FAM193A: variants seen among roughly 807,000 people sequenced by gnomAD.
FAM193A encodes family with sequence similarity 193 member A, also known as protein FAM193A.
In FAM193A, 22 loss-of-function variants were observed where a neutral mutation model predicts 126.5. The ratio of observed to expected loss-of-function variants is 0.17; its 90% CI spans 0.12 to 0.25. FAM193A has a LOEUF of 0.25. Among genes scored for constraint, FAM193A ranks in the 10% least tolerant of loss-of-function variants. FAM193A has a pLI of 1.00. For missense variants in FAM193A, 1,675 were observed against 1,672.8 expected (o/e 1.00, Z -0.02); for synonymous variants, 761 against 646.8 (o/e 1.18, Z -2.68).
At position 2,672,108 on chromosome 4, in the gene FAM193A, T is replaced by C; in HGVS notation, c.2080-13T>C. The C allele has an allele frequency of 6.2e-7, 1 of 1,612,752 alleles. No homozygotes were observed. Among genetic ancestry groups the C allele is most frequent in the Middle Eastern group, 1.7e-4 (1 of 6,056 alleles). On this transcript the variant is annotated splice_polypyrimidine_tract_variant and intron_variant, in intron 12 of 20. Coordinates refer to ENST00000637812, the MANE Select transcript of FAM193A (RefSeq NM_001366318.2). ...TTTCACTAAATAGGTATGTTTTTTTTCTTTCCTCTTAGGCTGAACAAGCTC... is the reference window on the plus strand; with the variant it reads ...TTTCACTAAATAGGTATGTTTTTTTCCTTTCCTCTTAGGCTGAACAAGCTC...
chr4:2,728,880 TG>T (rs1721050895), intron 20 of FAM193A, among the ~76,000 whole-genome samples: 1 of 150,066 alleles, frequency 6.7e-6, no homozygotes, highest in Non-Finnish European at 1.5e-5. Context: ...TAAGCAAATA[TG>T]TTCCACCTCC....
At chr4:2,570,138 A>G (rs1181222221) in intron 1 of FAM193A, among the ~76,000 whole-genome samples, 2 of 151,990 alleles carry the variant, frequency 1.3e-5, no homozygotes, top group Non-Finnish European at 2.9e-5. Context: ...TAAATAGCCC[A>G]AAAGTACTTC....
chr4:2,571,892 G>T (rs1000374772), intron 1 of FAM193A, among the ~76,000 whole-genome samples: 2 of 150,918 alleles, frequency 1.3e-5, no homozygotes, highest in African/African-American at 4.9e-5. Context: ...AAGGCCAGGC[G>T]CTGTGGCTCA....
chr4:2,699,537 T>G (rs1417843638), intron 18 of FAM193A, 143 bp from the exon 19 acceptor site: 3 of 635,870 alleles, frequency 4.7e-6, no homozygotes, highest in South Asian at 2.1e-5. Flanking sequence ...GAGGTGGGTG[T>G]GTGTTAAGTT....
intron 2 of FAM193A, among the ~76,000 whole-genome samples, chr4:2,620,728 A>G (rs1467390571): frequency 6.6e-6 from 1 of 150,604 alleles, no homozygotes; most frequent in Admixed American, 6.6e-5. Context: ...GGGCTCCCGT[A>G]ATCCCAGCTA....
intron 1 of FAM193A, among the ~76,000 whole-genome samples, chr4:2,560,849 T>G (rs554522746): frequency 1.3e-4 from 20 of 152,326 alleles, no homozygotes; most frequent in African/African-American, 4.6e-4. Context: ...GAGCTCACCA[T>G]GTTTCTCAGG....
intron 15 of FAM193A, 27 bp from the exon 16 acceptor site, chr4:2,693,559 C>A (rs1179869373): frequency 1.9e-6 from 3 of 1,586,420 alleles, no homozygotes; most frequent in Non-Finnish European, 2.6e-6. Flanking sequence ...ACAAACTTGG[C>A]AGTGACTCTC....
intron 1 of FAM193A, among the ~76,000 whole-genome samples, chr4:2,542,017 ATT>A (rs1258017085): frequency 2.9e-5 from 4 of 139,166 alleles, no homozygotes; most frequent in Admixed American, 7.2e-5. Flanking sequence ...CACCTGGCAA[ATT>A]TTTTTTTTTT....
chr4:2,590,462 T>C (rs1560464343), intron 1 of FAM193A, among the ~76,000 whole-genome samples: 1 of 27,468 alleles, frequency 3.6e-5, no homozygotes, highest in Non-Finnish European at 5.7e-5. Context: ...AGACTCCATC[T>C]CAAAAAAAAA....
intron 1 of FAM193A, among the ~76,000 whole-genome samples, chr4:2,591,801 C>T (rs1740584958): frequency 6.6e-6 from 1 of 152,126 alleles, no homozygotes; most frequent in Non-Finnish European, 1.5e-5. Flanking sequence ...ACACACACCT[C>T]CCACCCCCAT....
At chr4:2,584,337 A>T (rs1434221702) in intron 1 of FAM193A, among the ~76,000 whole-genome samples, 4 of 151,650 alleles carry the variant, frequency 2.6e-5, no homozygotes, top group African/African-American at 9.7e-5. Flanking sequence ...TAAGCAGGAG[A>T]ATCGCTTGAA....
intron 5 of FAM193A, among the ~76,000 whole-genome samples, chr4:2,636,092 A>C: frequency 6.6e-6 from 1 of 151,472 alleles, no homozygotes; most frequent in African/African-American, 2.4e-5. Flanking sequence ...TCTGTCTCAA[A>C]AAAAAATCTC....
intron 19 of FAM193A, among the ~76,000 whole-genome samples, chr4:2,702,367 C>T (rs1717829037): frequency 3.3e-5 from 5 of 152,188 alleles, no homozygotes; most frequent in Non-Finnish European, 7.3e-5. Context: ...TGGTTCGATG[C>T]TCCGGGCTCA....
At chr4:2,724,419 TTTC>T (rs1720503976) in intron 20 of FAM193A, among the ~76,000 whole-genome samples, 1 of 152,244 alleles carries the variant, frequency 6.6e-6, no homozygotes, top group African/African-American at 2.4e-5. Context: ...CATCTTACTT[TTTC>T]TTATGTATTT....
chr4:2,578,508 G>T (rs767314775), intron 1 of FAM193A, among the ~76,000 whole-genome samples: 3 of 151,768 alleles, frequency 2.0e-5, no homozygotes, highest in Non-Finnish European at 4.4e-5. Flanking sequence ...GGCTTGGAGG[G>T]GTTAATTCTT....
At chr4:2,670,583 C>G (rs183047075) in intron 12 of FAM193A, among the ~76,000 whole-genome samples, 1 of 152,134 alleles carries the variant, frequency 6.6e-6, no homozygotes, top group Non-Finnish European at 1.5e-5. Flanking sequence ...CCTCAGCCCC[C>G]CAAGTACTTG....
At chr4:2,547,870 C>T (rs1203825608) in intron 1 of FAM193A, among the ~76,000 whole-genome samples, 1 of 151,316 alleles carries the variant, frequency 6.6e-6, no homozygotes, top group East Asian at 2.0e-4. Flanking sequence ...AGTGATCTGC[C>T]CACCTTGGCC....
intron 17 of FAM193A, among the ~76,000 whole-genome samples, chr4:2,695,495 A>G (rs1716930965): frequency 1.3e-5 from 2 of 152,352 alleles, no homozygotes; most frequent in Admixed American, 1.3e-4. Flanking sequence ...TGGTACACAC[A>G]CATACTTGTC....
intron 5 of FAM193A, among the ~76,000 whole-genome samples, chr4:2,635,088 C>G (rs1476205363): frequency 2.0e-5 from 3 of 152,224 alleles, no homozygotes; most frequent in African/African-American, 7.2e-5. Flanking sequence ...TCTGTAGCCA[C>G]AGTTCCATTG....
Sources: allele counts gnomAD v4.1 joint callset (sites outside exome capture counted in the v4.1 genomes callset), GRCh38; gene constraint gnomAD v4.1.1; transcripts MANE v1.5; gene names NCBI Gene and HGNC (gene_info 2026-07-23, HGNC 2026-07-21).